Variants in VPS13B observed in about 807,000 individuals in gnomAD.
The protein encoded by VPS13B is intermembrane lipid transfer protein VPS13B.
In VPS13B, 285 loss-of-function variants were observed where a neutral mutation model predicts 426.4. That is an observed-to-expected ratio of 0.67 (90% CI 0.61 to 0.74). The LOEUF is 0.74. VPS13B is among the 30% of genes least tolerant of loss of function. VPS13B has a pLI of 0.00. For missense variants in VPS13B, 4,537 were observed against 4,782.6 expected (o/e 0.95, Z 1.51); for synonymous variants, 1,676 against 1,676.4 (o/e 1.00, Z 0.01).
intron 3 of VPS13B, among the ~76,000 whole-genome samples, chr8:99,064,323 A>G (rs1029395537): frequency 6.6e-5 from 10 of 152,222 alleles, no homozygotes; most frequent in African/African-American, 2.2e-4. Flanking sequence ...CTAAAGGAGG[A>G]TGGTCGAATC....
At chr8:99,320,372 T>C (rs1809912448) in intron 19 of VPS13B, among the ~76,000 whole-genome samples, 1 of 152,200 alleles carries the variant, frequency 6.6e-6, no homozygotes, top group East Asian at 1.9e-4. Context: ...GTTACACTAA[T>C]GTTTAAAATA....
In VPS13B at chr8:99,059,390, G is replaced by T. The variant is rs188752560; in HGVS notation, c.291+20824G>T. Among the ~76,000 whole-genome samples, 24 of 152,256 alleles carry T rather than the reference G, an allele frequency of 1.6e-4. No individual in the cohort carries two copies. In the East Asian group the frequency reaches 3.9e-3, roughly 24 times the overall value. On this transcript the variant is annotated intron_variant, in intron 3 of 61. Coordinates refer to ENST00000357162, the MANE Select transcript of VPS13B (RefSeq NM_152564.5). The stretch of plus-strand genomic sequence containing the variant: ...GGGTTTCGCCATGTTGGCCAGGCTG[G>T]TCTCAAACTCCTGAGCTCTTAGCTA...
At chr8:99,281,993 T>C (rs190259636) in intron 19 of VPS13B, among the ~76,000 whole-genome samples, 1 of 152,316 alleles carries the variant, frequency 6.6e-6, no homozygotes, top group East Asian at 1.9e-4. Context: ...TTAAATATTT[T>C]CTTTGGATAT....
chr8:99,877,557 AT>A lies in VPS13B; in HGVS notation c.*1892del, dbSNP rs1244722234. On this transcript the variant is annotated 3_prime_UTR_variant, in exon 62 of 62. Coordinates refer to ENST00000357162, the MANE Select transcript of VPS13B (RefSeq NM_152564.5). ...AAATGGGTAATATACAGGTTTTGTT[AT>A]AATAAAGTTACTGATTAAATTAGCT... 1 of 152,402 alleles carries A rather than the reference AT, an allele frequency of 6.6e-6. No homozygotes were observed. Among genetic ancestry groups the A allele is most frequent in the African/African-American group, 2.4e-5 (1 of 41,454 alleles). 9.4% of individuals were successfully genotyped at this position (152,402 alleles called of 1,614,324 possible). A position where few individuals can be genotyped will look rare whatever the true frequency, so the allele number is the denominator to read the frequency against.
chr8:99,819,505 T>C lies in VPS13B; in HGVS notation c.8715T>C (p.Asn2905=). Residue 2905 remains asparagine, a synonymous_variant, in exon 48 of 62, where the codon AAT becomes AAC. Coordinates refer to ENST00000357162, the MANE Select transcript of VPS13B (RefSeq NM_152564.5). ...ATKVHPGGTV[N]QILDEFYGPE... is the part of the protein sequence containing the mutation. ...AGGTACACCCTGGAGGCACAGTTAA[T>C]CAGATCCTTGACGAATTCTATGGGC... 6.2e-7 allele frequency: 1 copy of C among 1,613,892 alleles called. No homozygotes were observed. Among genetic ancestry groups the C allele is most frequent in the Non-Finnish European group, 8.5e-7 (1 of 1,179,888 alleles).
Position 99,642,092 on chromosome 8 carries a change from G to T in VPS13B, c.5502G>T (p.Ser1834=), listed in dbSNP as rs143115716. ...MTYSCMALSK[S]KSQEQKNNEK... is the part of the protein sequence containing the mutation. Reference sequence around the variant, plus strand: ...ATTCCTGTATGGCCTTATCCAAATCGAAATCACAAGAACAGAAGAATAATG... The same window carrying T: ...ATTCCTGTATGGCCTTATCCAAATCTAAATCACAAGAACAGAAGAATAATG... Residue 1834 remains serine, a synonymous_variant, in exon 34 of 62, where the codon TCG becomes TCT. Coordinates refer to ENST00000357162, the MANE Select transcript of VPS13B (RefSeq NM_152564.5). The T allele has an allele frequency of 6.2e-6, 10 of 1,613,834 alleles. No individual in the cohort carries two copies. The African/African-American group carries it at 1.1e-4, about 17-fold the overall frequency.
chr8:99,233,929 C>G, intron 17 of VPS13B: 1 of 791,748 alleles, frequency 1.3e-6, no homozygotes, highest in Non-Finnish European at 2.3e-6. Context: ...TGACAAGCTT[C>G]TCTGCAGCTC....
At chr8:99,702,551 C>G (rs1382684842) in intron 36 of VPS13B, among the ~76,000 whole-genome samples, 1 of 152,042 alleles carries the variant, frequency 6.6e-6, no homozygotes, top group Non-Finnish European at 1.5e-5. Flanking sequence ...TCATTAAAAC[C>G]TCAACAATTT....
chr8:99,832,238 C>A lies in VPS13B; in HGVS notation c.9331-131C>A, dbSNP rs1028905846. On this transcript the variant is annotated intron_variant, in intron 51 of 61. Transcript: ENST00000357162. The stretch of plus-strand genomic sequence containing the variant: ...GATGGTGCCACTGCACTCCCGCCTG[C>A]GTGATGGAGTGAGACTGTCTCAAAA... The A allele has an allele frequency of 3.1e-6, 4 of 1,297,164 alleles. No homozygotes were observed. The East Asian group carries it at 8.3e-5, about 27-fold the overall frequency. 80.4% of individuals were successfully genotyped at this position (1,297,164 alleles called of 1,614,324 possible). A position where few individuals can be genotyped will look rare whatever the true frequency, so the allele number is the denominator to read the frequency against.
intron 16 of VPS13B, among the ~76,000 whole-genome samples, chr8:99,171,189 G>C (rs1812310031): frequency 6.6e-6 from 1 of 151,660 alleles, no homozygotes; most frequent in Non-Finnish European, 1.5e-5. Context: ...ATTTCATTTT[G>C]TCCTTACTCC....
chr8:99,134,837 G>A (rs1311159386), intron 9 of VPS13B, 110 bp downstream of exon 9: 2 of 1,196,078 alleles, frequency 1.7e-6, no homozygotes, highest in East Asian at 2.6e-5. Context: ...TAAGATGTTT[G>A]TTTCTTATTT....
At chr8:99,446,435 A>C (rs1817925753) in intron 23 of VPS13B, among the ~76,000 whole-genome samples, 1 of 151,992 alleles carries the variant, frequency 6.6e-6, no homozygotes. Context: ...TTTGTGTTTT[A>C]AAGTTTTAAT....
intron 33 of VPS13B, among the ~76,000 whole-genome samples, chr8:99,624,008 T>TATATATATATA (rs61596072): frequency 5.0e-3 from 357 of 71,314 alleles, no homozygotes; most frequent in East Asian, 6.0e-3. Flanking sequence ...TATATATATA[T>TATATATATATA]TTTTTTTTTT....
chr8:99,604,644 C>T (rs1007794781), intron 33 of VPS13B, among the ~76,000 whole-genome samples: 4 of 151,966 alleles, frequency 2.6e-5, no homozygotes, highest in Admixed American at 2.0e-4. Context: ...GGACTACAGG[C>T]GCCTGCCACT....
intron 19 of VPS13B, among the ~76,000 whole-genome samples, chr8:99,333,283 A>G (rs981907551): frequency 2.6e-5 from 4 of 151,760 alleles, no homozygotes; most frequent in Non-Finnish European, 5.9e-5. Flanking sequence ...TAAAGGCCAC[A>G]TATATGGTGA....
chr8:99,856,224 T>C (rs768700286), intron 56 of VPS13B, among the ~76,000 whole-genome samples: 55 of 152,240 alleles, frequency 3.6e-4, no homozygotes, highest in Non-Finnish European at 1.8e-4. Flanking sequence ...GCCGTTCCAA[T>C]CTCACTGTAT....
chr8:99,442,024 T>TA (rs1292446631), intron 22 of VPS13B, among the ~76,000 whole-genome samples: 3 of 152,160 alleles, frequency 2.0e-5, no homozygotes, highest in African/African-American at 4.8e-5. Context: ...TAGCCCTTTT[T>TA]AAAAAAAGTA....
At chr8:99,714,646 C>T (rs1563877987) in intron 36 of VPS13B, among the ~76,000 whole-genome samples, 1 of 152,160 alleles carries the variant, frequency 6.6e-6, no homozygotes, top group South Asian at 2.1e-4. Context: ...GTATCACATA[C>T]ACCAATATGA....
chr8:99,640,340 G>A (rs1829306476), intron 33 of VPS13B, among the ~76,000 whole-genome samples: 1 of 152,040 alleles, frequency 6.6e-6, no homozygotes, highest in African/African-American at 2.4e-5. Flanking sequence ...GTGGTGGCAT[G>A]ATCTCGGTTC....
Sources: gnomAD v4.1 joint callset for allele counts (sites outside exome capture counted in the v4.1 genomes callset) on GRCh38, gnomAD v4.1.1 for gene constraint, MANE v1.5 for transcripts, NCBI Gene and HGNC (gene_info 2026-07-23, HGNC 2026-07-21) for gene names.